The following DDX10 variants were observed in gnomAD, a reference collection of about 807,000 sequenced individuals.
DDX10 encodes the protein DEAD-box helicase 10.
Under a neutral mutation model 104.3 loss-of-function variants are expected in DDX10, and 74 were observed. That is an observed-to-expected ratio of 0.71 (90% confidence interval 0.59 to 0.86). The LOEUF (loss-of-function observed/expected upper bound fraction) is 0.86. DDX10 is among the 40% of genes least tolerant of loss of function. DDX10 has a pLI of 0.00. For missense variants in DDX10, 952 were observed against 1,040.0 expected, an observed-to-expected ratio of 0.92 and a Z score of 1.16; for synonymous variants, 351 against 353.4, an observed-to-expected ratio of 0.99 and a Z score of 0.08.
chr11:108,879,793 T>C (rs1863202684), intron 16 of DDX10, among the ~76,000 whole-genome samples: 1 of 152,218 alleles, frequency 6.6e-6, no homozygotes, highest in Admixed American at 6.5e-5. Flanking sequence ...CTAATGGGGT[T>C]ATTATGACAT....
intron 13 of DDX10, among the ~76,000 whole-genome samples, chr11:108,793,244 G>C (rs1294724252): frequency 6.6e-6 from 1 of 151,928 alleles, no homozygotes; most frequent in African/African-American, 2.4e-5. Context: ...ATCAAAGCTG[G>C]GACTCATTAT....
At chr11:108,711,952 CT>C (rs2094285029) in intron 10 of DDX10, among the ~76,000 whole-genome samples, 1 of 152,182 alleles carries the variant, frequency 6.6e-6, no homozygotes, top group Non-Finnish European at 1.5e-5. Flanking sequence ...GGTTGCAATT[CT>C]ATCAGTATTT....
At chr11:108,690,195 A>T (rs1428362541) in intron 7 of DDX10, 1 of 152,236 alleles carries the variant, frequency 6.6e-6, no homozygotes. Flanking sequence ...ACATCTCCTA[A>T]AGAAGAGTTA....
rs7939610 is a variant in DDX10 at position 108,879,416 on chromosome 11, A to G, written c.2304+27207A>G. Among the ~76,000 whole-genome samples the G allele has an allele frequency of 7.9e-3, 1,203 of 152,312 alleles. 11 individuals are homozygous for G. The highest frequency in any genetic ancestry group is 0.026 in the African/African-American group (1,094 of 41,564). Reference sequence around the variant, plus strand: ...TATTTATATAAATAGTGTATACTATAGTTTAGATCCTTCTTCAAATTTCTG... The same window carrying G: ...TATTTATATAAATAGTGTATACTATGGTTTAGATCCTTCTTCAAATTTCTG... On this transcript the variant is annotated intron_variant, in intron 16 of 17. Coordinates refer to ENST00000322536, the MANE Select transcript of DDX10 (RefSeq NM_004398.4).
At chr11:108,862,020 C>A (rs544387851) in intron 16 of DDX10, among the ~76,000 whole-genome samples, 27 of 152,136 alleles carry the variant, frequency 1.8e-4, no homozygotes, top group African/African-American at 5.8e-4. Flanking sequence ...CTCTCTCTCT[C>A]CCTTTCATCA....
chr11:108,907,532 C>A (rs1362046216), intron 16 of DDX10, among the ~76,000 whole-genome samples: 1 of 152,076 alleles, frequency 6.6e-6, no homozygotes, highest in Non-Finnish European at 1.5e-5. Context: ...GATGGGGTTT[C>A]ACCATGTTGG....
At chr11:108,751,607 G>A (rs2094338787) in intron 13 of DDX10, among the ~76,000 whole-genome samples, 1 of 152,178 alleles carries the variant, frequency 6.6e-6, no homozygotes, top group Admixed American at 6.5e-5. Flanking sequence ...TCAGACTGCC[G>A]AAGGGGGCCT....
intron 16 of DDX10, among the ~76,000 whole-genome samples, chr11:108,870,111 A>G (rs1002465122): frequency 2.6e-5 from 4 of 152,164 alleles, no homozygotes; most frequent in African/African-American, 9.7e-5. Context: ...ACTATCTTTG[A>G]AAGTTTCTTG....
chr11:108,896,919 G>C (rs931118185), intron 16 of DDX10, among the ~76,000 whole-genome samples: 1 of 150,152 alleles, frequency 6.7e-6, no homozygotes, highest in Non-Finnish European at 1.5e-5. Flanking sequence ...AAAGTAGAAA[G>C]ACTTTTTTTT....
chr11:108,869,767 G>T (rs1423548246), intron 16 of DDX10, among the ~76,000 whole-genome samples: 1 of 151,858 alleles, frequency 6.6e-6, no homozygotes, highest in Non-Finnish European at 1.5e-5. Context: ...CTGAAATTTT[G>T]GCAGTAGAGA....
intron 1 of DDX10, among the ~76,000 whole-genome samples, chr11:108,669,221 G>A (rs2094213989): frequency 2.6e-5 from 4 of 151,974 alleles, no homozygotes; most frequent in Non-Finnish European, 4.4e-5. Flanking sequence ...AGCCTCCTGA[G>A]TAGCTAGGAC....
In DDX10 at chr11:108,759,800, A is replaced by C. The variant is rs563691788; in HGVS notation, c.1965+36338A>C. Among the ~76,000 whole-genome samples the C allele has an allele frequency of 1.4e-4, 22 of 152,088 alleles. No homozygotes were observed. The South Asian group carries it at 4.6e-3, about 32-fold the overall frequency. Reference sequence around the variant, plus strand: ...ATAACTCAGAGTAGGATGTGGCAGTAAGATTTTTGTTTTAAGATGCTGCCT... The same window carrying C: ...ATAACTCAGAGTAGGATGTGGCAGTCAGATTTTTGTTTTAAGATGCTGCCT... On this transcript the variant is annotated intron_variant, in intron 13 of 17. Transcript: ENST00000322536.
At chr11:108,899,206 G>A (rs1038736077) in intron 16 of DDX10, among the ~76,000 whole-genome samples, 1 of 151,474 alleles carries the variant, frequency 6.6e-6, no homozygotes, top group African/African-American at 2.4e-5. Flanking sequence ...AGTAGTTCTG[G>A]AACTATCTTT....
In DDX10 at chr11:108,744,736, T is replaced by C. The variant is rs145840475; in HGVS notation, c.1965+21274T>C. Among the ~76,000 whole-genome samples, 30 of 152,294 alleles carry C rather than the reference T, an allele frequency of 2.0e-4. No individual in the cohort carries two copies. The Middle Eastern group carries it at 0.01, about 52-fold the overall frequency. The stretch of plus-strand genomic sequence containing the variant: ...ACACAGGACATTTATGTGGAAATGT[T>C]AAGTGAAATGATACAAGATAGCAGT... On this transcript the variant is annotated intron_variant, in intron 13 of 17. Coordinates refer to ENST00000322536, the MANE Select transcript of DDX10 (RefSeq NM_004398.4).
chr11:108,933,358 A>G (rs1254189813), intron 17 of DDX10, among the ~76,000 whole-genome samples: 1 of 150,140 alleles, frequency 6.7e-6, no homozygotes, highest in Non-Finnish European at 1.5e-5. Flanking sequence ...GCAGACCTGG[A>G]CTAAAGACAA....
chr11:108,739,824 A>C (rs1274891384), intron 13 of DDX10, among the ~76,000 whole-genome samples: 13 of 152,076 alleles, frequency 8.5e-5, no homozygotes, highest in Admixed American at 8.5e-4. Context: ...CCTAAACCTA[A>C]ATTAATCCAC....
chr11:108,685,543 T>C (rs1486245208), intron 6 of DDX10, among the ~76,000 whole-genome samples: 1 of 152,190 alleles, frequency 6.6e-6, no homozygotes, highest in African/African-American at 2.4e-5. Context: ...TATTCGGCCA[T>C]CTTGGCTCCT....
chr11:108,787,795 T>A (rs1475129236), intron 13 of DDX10, among the ~76,000 whole-genome samples: 1 of 152,100 alleles, frequency 6.6e-6, no homozygotes, highest in East Asian at 1.9e-4. Flanking sequence ...CTGGGCGTGG[T>A]GGTGCATGCC....
intron 16 of DDX10, among the ~76,000 whole-genome samples, chr11:108,906,381 A>G (rs1334885282): frequency 1.3e-5 from 2 of 152,236 alleles, no homozygotes; most frequent in Non-Finnish European, 2.9e-5. Context: ...ATGACTGCCA[A>G]ACTGCTGGAA....
Sources: allele counts gnomAD v4.1 joint callset (sites outside exome capture counted in the v4.1 genomes callset), GRCh38; gene constraint gnomAD v4.1.1; transcripts MANE v1.5; gene names NCBI Gene and HGNC (gene_info 2026-07-23, HGNC 2026-07-21).